CDH13: variants seen among roughly 807,000 people sequenced by gnomAD.
The protein encoded by CDH13 is cadherin-13.
In CDH13, 24 loss-of-function variants were observed where a neutral mutation model predicts 63.8. That is an observed-to-expected ratio of 0.38 (90% CI 0.27 to 0.53). CDH13 has a LOEUF of 0.53. Among genes scored for constraint, CDH13 ranks in the 20% least tolerant of loss-of-function variants. The pLI, the probability that CDH13 is intolerant of heterozygous loss-of-function variation, is 0.85. For synonymous variants in CDH13, 503 were observed against 355.3 expected (o/e 1.42, Z -4.67); for missense variants, 1,049 against 903.1 (o/e 1.16, Z -2.07).
At chr16:82,873,892 G>T (rs987919981) in intron 2 of CDH13, among the ~76,000 whole-genome samples, 1 of 152,048 alleles carries the variant, frequency 6.6e-6, no homozygotes, top group African/African-American at 2.4e-5. Flanking sequence ...GTATTTTCAT[G>T]TTCTAGGGAT....
chr16:82,831,012 C>T (rs1317880203), intron 1 of CDH13, among the ~76,000 whole-genome samples: 3 of 152,056 alleles, frequency 2.0e-5, no homozygotes, highest in African/African-American at 7.2e-5. Context: ...AGCTACGGCC[C>T]CCTTCTCTGC....
chr16:83,526,358 T>C (rs28573280), intron 7 of CDH13, among the ~76,000 whole-genome samples: 42,337 of 152,174 alleles, frequency 0.28, 6,116 homozygotes, highest in East Asian at 0.5. Flanking sequence ...ACCAGTTTCA[T>C]GGAAGACAAT....
At chr16:82,991,369 T>A (rs949784676) in intron 2 of CDH13, among the ~76,000 whole-genome samples, 11 of 152,204 alleles carry the variant, frequency 7.2e-5, no homozygotes, top group African/African-American at 2.7e-4. Context: ...CTCTTAACAT[T>A]CATCTAGTAA....
chr16:83,458,216 G>C (rs967038957), intron 6 of CDH13, among the ~76,000 whole-genome samples: 20 of 152,156 alleles, frequency 1.3e-4, no homozygotes, highest in African/African-American at 4.6e-4. Flanking sequence ...AAGATCTGCT[G>C]TTTCTCCTGT....
At chr16:83,234,887 A>G (rs965162736) in intron 5 of CDH13, among the ~76,000 whole-genome samples, 1 of 152,178 alleles carries the variant, frequency 6.6e-6, no homozygotes, top group African/African-American at 2.4e-5. Context: ...CAAGCTCCAC[A>G]CACTGACTCT....
intron 6 of CDH13, among the ~76,000 whole-genome samples, chr16:83,443,659 C>T (rs1022035080): frequency 6.2e-5 from 9 of 145,974 alleles, no homozygotes; most frequent in African/African-American, 1.1e-4. Flanking sequence ...CCACTTGAGC[C>T]TGGGAATTTG....
At chr16:83,725,545 G>A (rs987322055) in intron 10 of CDH13, 4 of 152,378 alleles carry the variant, frequency 2.6e-5, no homozygotes, top group African/African-American at 9.7e-5. Context: ...CGGTCTGGCT[G>A]GTGATTTGGT....
intron 4 of CDH13, among the ~76,000 whole-genome samples, chr16:83,158,591 G>A (rs533083760): frequency 9.2e-5 from 14 of 152,330 alleles, no homozygotes; most frequent in East Asian, 1.9e-4. Context: ...TCAGAAAGTC[G>A]TGGAGGTAGA....
chr16:83,345,052 C>A (rs1444035823), intron 6 of CDH13, 46 bp downstream of exon 6: 1 of 1,595,670 alleles, frequency 6.3e-7, no homozygotes. Flanking sequence ...TGGAAAGAGG[C>A]ACACTTTGAT....
intron 3 of CDH13, among the ~76,000 whole-genome samples, chr16:83,116,965 C>T (rs973188563): frequency 6.6e-6 from 1 of 152,162 alleles, no homozygotes; most frequent in African/African-American, 2.4e-5. Context: ...CTTCTCATTT[C>T]GTTCTGATAA....
intron 5 of CDH13, among the ~76,000 whole-genome samples, chr16:83,253,008 G>C (rs920464895): frequency 6.6e-6 from 1 of 152,100 alleles, no homozygotes; most frequent in Non-Finnish European, 1.5e-5. Context: ...AGGGTACTAA[G>C]AGAATTGAGG....
At chr16:83,417,217 C>G (rs1424183) in intron 6 of CDH13, among the ~76,000 whole-genome samples, 72,256 of 151,974 alleles carry the variant, frequency 0.48, 17,550 homozygotes, top group Middle Eastern at 0.57. Context: ...GACTTCAGAT[C>G]CACACTTTTG....
chr16:83,633,986 C>T (rs1033004026), intron 8 of CDH13, among the ~76,000 whole-genome samples: 1 of 152,152 alleles, frequency 6.6e-6, no homozygotes, highest in South Asian at 2.1e-4. Context: ...CACCTTGAAC[C>T]CTTCTCTCAG....
chr16:83,769,820 A>AG (rs967837166), intron 11 of CDH13, among the ~76,000 whole-genome samples: 36 of 152,040 alleles, frequency 2.4e-4, no homozygotes, highest in African/African-American at 8.7e-4. Flanking sequence ...ATGTGTGGTG[A>AG]GGGGGAGGTG....
intron 7 of CDH13, among the ~76,000 whole-genome samples, chr16:83,597,235 AC>A (rs200047999): frequency 0.033 from 4,955 of 152,214 alleles, 271 homozygotes; most frequent in African/African-American, 0.11. Flanking sequence ...ACACACACAC[AC>A]ACAAAAAGTA....
At chr16:82,932,431 C>T (rs2042527281) in intron 2 of CDH13, among the ~76,000 whole-genome samples, 1 of 152,132 alleles carries the variant, frequency 6.6e-6, no homozygotes, top group Non-Finnish European at 1.5e-5. Context: ...ATTTTGGCTG[C>T]TCCTAGCTGA....
chr16:83,774,422 GAGTGCAGTGGTGCAGTCTC>G (rs1275938413), intron 11 of CDH13, among the ~76,000 whole-genome samples: 1 of 152,120 alleles, frequency 6.6e-6, no homozygotes, highest in Non-Finnish European at 1.5e-5. Flanking sequence ...GCCCAGGCTG[GAGTGCAGTGGTGCAGTCTC>G]AGCTCACTGC....
At chr16:82,782,332 T>G (rs1039891524) in intron 1 of CDH13, among the ~76,000 whole-genome samples, 5 of 151,906 alleles carry the variant, frequency 3.3e-5, no homozygotes, top group African/African-American at 1.2e-4. Context: ...GAGGCTGAGG[T>G]GGGTGGATCA....
intron 6 of CDH13, among the ~76,000 whole-genome samples, chr16:83,408,926 C>T (rs1386103653): frequency 6.6e-6 from 1 of 152,188 alleles, no homozygotes; most frequent in Non-Finnish European, 1.5e-5. Context: ...CACAAGGCTT[C>T]CTTCCTTGGT....
Sources: gnomAD v4.1 joint callset for allele counts (sites outside exome capture counted in the v4.1 genomes callset) on GRCh38, gnomAD v4.1.1 for gene constraint, MANE v1.5 for transcripts, NCBI Gene and HGNC (gene_info 2026-07-23, HGNC 2026-07-21) for gene names.